Variants in GIN1 observed in about 807,000 individuals in gnomAD.
GIN1 encodes gypsy retrotransposon integrase 1.
GIN1 carries 41 observed loss-of-function variants against 51.4 expected under a neutral mutation model. The ratio of observed to expected loss-of-function variants is 0.80; its 90% confidence interval spans 0.62 to 1.04. GIN1 has a LOEUF of 1.04. Among genes scored for constraint, GIN1 ranks in the 50% least tolerant of loss-of-function variants. GIN1 has a pLI of 0.00. For synonymous variants in GIN1, 222 were observed against 206.5 expected, an observed-to-expected ratio of 1.07 and a Z score of -0.64; for missense variants, 610 against 612.4, an observed-to-expected ratio of 1.00 and a Z score of 0.04.
chr5:103,088,874 G>T (rs373758592), intron 7 of GIN1, among the ~76,000 whole-genome samples: 44 of 152,166 alleles, frequency 2.9e-4, no homozygotes, highest in African/African-American at 1.1e-3. Context: ...AATTAATAGG[G>T]TCATATAATT....
intron 4 of GIN1, among the ~76,000 whole-genome samples, chr5:103,101,383 T>C (rs782327028): frequency 3.3e-5 from 5 of 152,372 alleles, no homozygotes; most frequent in South Asian, 4.1e-4. Context: ...TTAAATCATT[T>C]ATTTCTGAAA....
chr5:103,114,353 G>C (rs1273179925), intron 1 of GIN1, among the ~76,000 whole-genome samples: 1 of 152,202 alleles, frequency 6.6e-6, no homozygotes, highest in Non-Finnish European at 1.5e-5. Flanking sequence ...AGCCAAAGCA[G>C]TGTCAGTATA....
chr5:103,113,327 A>C (rs1787936878), intron 1 of GIN1, among the ~76,000 whole-genome samples: 1 of 152,194 alleles, frequency 6.6e-6, no homozygotes, highest in African/African-American at 2.4e-5. Flanking sequence ...GGAGGCTAGG[A>C]AATACAAGAT....
At position 103,106,719 on chromosome 5, in the gene GIN1, C is replaced by T. The variant is rs1562333121; in HGVS notation, c.330G>A (p.Gln110=). 1 of 1,558,252 alleles carries T rather than the reference C, an allele frequency of 6.4e-7. No individual in the cohort carries two copies. The highest frequency in any genetic ancestry group is 1.8e-5 in the Admixed American group (1 of 54,682). The part of the protein sequence containing the change: ...YWTSVTNDVK[Q]WVYACQHCQV... ...ACTCTAAATACATAAGCCATACCCA[C>T]TGTTTGACATCATTGGTCACAGATG... The change falls in exon 3 of 8, where the codon CAG becomes CAA. Residue 110 remains glutamine, a synonymous_variant. Transcript: ENST00000399004.
At chr5:103,090,047 G>C (rs34798) in intron 7 of GIN1, among the ~76,000 whole-genome samples, 39,095 of 152,052 alleles carry the variant, frequency 0.26, 5,521 homozygotes, top group East Asian at 0.45. Flanking sequence ...CCAGCACTTT[G>C]GGAAACCAAT....
intron 7 of GIN1, among the ~76,000 whole-genome samples, chr5:103,092,238 G>A (rs1337580127): frequency 6.6e-6 from 1 of 151,994 alleles, no homozygotes; most frequent in African/African-American, 2.4e-5. Flanking sequence ...GAACTCCTGA[G>A]CTCAGGCAAT....
intron 1 of GIN1, among the ~76,000 whole-genome samples, chr5:103,116,024 T>C (rs964056114): frequency 6.6e-6 from 1 of 152,150 alleles, no homozygotes; most frequent in Non-Finnish European, 1.5e-5. Flanking sequence ...ACTCCCACTC[T>C]ACCTCTGAGA....
chr5:103,093,186 A>G (rs1554194728), intron 7 of GIN1, among the ~76,000 whole-genome samples: 2 of 152,138 alleles, frequency 1.3e-5, no homozygotes, highest in African/African-American at 4.8e-5. Context: ...GTAATCTTAC[A>G]TGGTGAAGGA....
chr5:103,117,430 G>A (rs1003324934), intron 1 of GIN1, among the ~76,000 whole-genome samples: 13 of 151,988 alleles, frequency 8.6e-5, no homozygotes, highest in Admixed American at 3.9e-4. Context: ...GGTCAAGGAT[G>A]GACTGCCTAT....
intron 4 of GIN1, among the ~76,000 whole-genome samples, chr5:103,099,212 A>G (rs552844047): frequency 7.3e-4 from 111 of 152,254 alleles, no homozygotes; most frequent in African/African-American, 2.5e-3. Context: ...GTTGTAAGTA[A>G]AAGTTGTTAG....
At chr5:103,104,294 C>T (rs1787659684) in intron 4 of GIN1, among the ~76,000 whole-genome samples, 1 of 152,132 alleles carries the variant, frequency 6.6e-6, no homozygotes, top group African/African-American at 2.4e-5. Flanking sequence ...TTATTTGGTC[C>T]AACCTCCTCA....
chr5:103,104,582 G>T lies in GIN1; in HGVS notation c.598C>A (p.Gln200Lys). 2 of 1,556,292 alleles carry T rather than the reference G, an allele frequency of 1.3e-6. No homozygotes were observed. The highest frequency in any genetic ancestry group is 1.8e-6 in the Non-Finnish European group (2 of 1,128,906). The change falls in exon 4 of 8, where the codon CAG becomes AAG. Residue 200 changes from glutamine (Q) to lysine (K), a missense_variant. Transcript: ENST00000399004. ...TCTCTTTGGTCCATTATTATTTTCTGAGGAGGTCCATATAAGAAAAATATA... is the reference window on the plus strand; with the variant it reads ...TCTCTTTGGTCCATTATTATTTTCTTAGGAGGTCCATATAAGAAAAATATA... ...INIFFLYGPP[Q>K]KIIMDQRDEF... is the part of the protein sequence containing the mutation.
chr5:103,102,737 C>T (rs1197867924), intron 4 of GIN1: 1 of 151,994 alleles, frequency 6.6e-6, no homozygotes, highest in Non-Finnish European at 1.5e-5. Flanking sequence ...CATGGTGAAA[C>T]CTGTCTCTAA....
chr5:103,106,603 T>C, intron 3 of GIN1, 113 bp downstream of exon 3: 1 of 614,568 alleles, frequency 1.6e-6, no homozygotes, highest in Non-Finnish European at 2.7e-6. Context: ...TTTAAGTGAT[T>C]GCCAAAAATA....
At chr5:103,091,902 G>A (rs1454854088) in intron 7 of GIN1, among the ~76,000 whole-genome samples, 7 of 152,118 alleles carry the variant, frequency 4.6e-5, no homozygotes, top group South Asian at 2.1e-4. Context: ...GTGGGCGCCT[G>A]TAATCCCAGC....
intron 4 of GIN1, among the ~76,000 whole-genome samples, chr5:103,103,461 T>C (rs1214225525): frequency 6.6e-6 from 1 of 152,266 alleles, no homozygotes; most frequent in African/African-American, 2.4e-5. Flanking sequence ...ATCTACTAGT[T>C]AATACATATT....
At chr5:103,107,825 G>A (rs1328133923) in intron 2 of GIN1, among the ~76,000 whole-genome samples, 1 of 151,964 alleles carries the variant, frequency 6.6e-6, no homozygotes, top group Non-Finnish European at 1.5e-5. Flanking sequence ...TTATTGGTAG[G>A]GATATACACA....
At chr5:103,097,901 GA>G (rs1787454436) in intron 4 of GIN1, 120 bp from the exon 5 acceptor site, 1 of 580,142 alleles carries the variant, frequency 1.7e-6, no homozygotes, top group Non-Finnish European at 3.0e-6. Flanking sequence ...TTATTTTTTT[GA>G]GATGGAGTCT....
chr5:103,093,599 A>G (rs1440121692), intron 7 of GIN1, among the ~76,000 whole-genome samples: 2 of 152,236 alleles, frequency 1.3e-5, no homozygotes, highest in African/African-American at 4.8e-5. Context: ...TACAGCAACA[A>G]GAGGAAACTT....
Sources: gnomAD v4.1 joint callset for allele counts (sites outside exome capture counted in the v4.1 genomes callset) on GRCh38, gnomAD v4.1.1 for gene constraint, MANE v1.5 for transcripts, NCBI Gene and HGNC (gene_info 2026-07-23, HGNC 2026-07-21) for gene names.